Variants in SRGAP2 observed in about 807,000 individuals in gnomAD.
SRGAP2 encodes the protein SLIT-ROBO Rho GTPase activating protein 2.
Under a neutral mutation model 57.2 loss-of-function variants are expected in SRGAP2, and 15 were observed. That is an observed-to-expected ratio of 0.26 (90% confidence interval 0.18 to 0.40). The LOEUF (loss-of-function observed/expected upper bound fraction) is 0.40. Ranked by LOEUF, SRGAP2 falls within the 10% of genes least tolerant of loss-of-function variation. SRGAP2 has a pLI of 1.00. For missense variants in SRGAP2, 520 were observed against 669.6 expected, an observed-to-expected ratio of 0.78 and a Z score of 2.47; for synonymous variants, 249 against 248.0, an observed-to-expected ratio of 1.00 and a Z score of -0.04.
chr1:206,284,171 C>A (rs1398954955), intron 2 of SRGAP2, among the ~76,000 whole-genome samples: 3 of 147,022 alleles, frequency 2.0e-5, no homozygotes, highest in Non-Finnish European at 4.5e-5. Flanking sequence ...AGAGTTTCAA[C>A]TGCATATCTA....
chr1:206,358,438 A>C (rs1676628868), intron 4 of SRGAP2, among the ~76,000 whole-genome samples: 1 of 149,948 alleles, frequency 6.7e-6, no homozygotes. Flanking sequence ...AAGGAAATAC[A>C]GAGAACAAAC....
chr1:206,440,552 T>G (rs958967790), intron 17 of SRGAP2, among the ~76,000 whole-genome samples: 2 of 151,748 alleles, frequency 1.3e-5, no homozygotes, highest in African/African-American at 2.4e-5. Context: ...TAGAAGATTT[T>G]CTTTTTTTTT....
chr1:206,414,273 G>C (rs1216179427), intron 10 of SRGAP2, among the ~76,000 whole-genome samples: 25 of 152,056 alleles, frequency 1.6e-4, no homozygotes, highest in African/African-American at 6.0e-4. Context: ...CTGTCCTCAA[G>C]TGATCCATCT....
At chr1:206,253,833 T>G in intron 2 of SRGAP2, among the ~76,000 whole-genome samples, 1 of 151,244 alleles carries the variant, frequency 6.6e-6, no homozygotes, top group Non-Finnish European at 1.5e-5. Context: ...TTTTAAATTA[T>G]GCAGTCTGTG....
intron 3 of SRGAP2, among the ~76,000 whole-genome samples, chr1:206,330,984 TC>T (rs1451770651): frequency 2.5e-5 from 3 of 120,030 alleles, no homozygotes; most frequent in Non-Finnish European, 5.2e-5. Context: ...TTTGAATGCG[TC>T]CCAGAGATTC....
intron 2 of SRGAP2, among the ~76,000 whole-genome samples, chr1:206,241,965 C>T (rs1344230971): frequency 1.5e-5 from 2 of 129,696 alleles, no homozygotes; most frequent in African/African-American, 6.3e-5. Flanking sequence ...TTATCTCCTT[C>T]AACTCTGACC....
At chr1:206,286,612 A>G (rs1671038624) in intron 2 of SRGAP2, among the ~76,000 whole-genome samples, 2 of 151,984 alleles carry the variant, frequency 1.3e-5, no homozygotes, top group African/African-American at 4.8e-5. Context: ...ACCTAAATAG[A>G]TTTACAAGTG....
At chr1:206,227,423 A>C (rs1391740693) in intron 2 of SRGAP2, among the ~76,000 whole-genome samples, 1 of 152,024 alleles carries the variant, frequency 6.6e-6, no homozygotes, top group Non-Finnish European at 1.5e-5. Flanking sequence ...ATATAAGGGA[A>C]AGACCTATTT....
At chr1:206,369,645 T>TTTTGACACTGTTA (rs1390929015) in intron 4 of SRGAP2, among the ~76,000 whole-genome samples, 1 of 152,042 alleles carries the variant, frequency 6.6e-6, no homozygotes, top group African/African-American at 2.4e-5. Flanking sequence ...ACAAGCACAT[T>TTTTGACACTGTTA]TTTGACACTG....
intron 2 of SRGAP2, among the ~76,000 whole-genome samples, chr1:206,209,776 C>T (rs539718574): frequency 1.2e-4 from 18 of 151,062 alleles, no homozygotes; most frequent in Non-Finnish European, 2.4e-4. Flanking sequence ...TCCCTGATAA[C>T]TAATGGTGTG....
At chr1:206,341,044 A>G (rs560992268) in intron 3 of SRGAP2, among the ~76,000 whole-genome samples, 80 of 152,356 alleles carry the variant, frequency 5.3e-4, no homozygotes, top group African/African-American at 1.9e-3. Flanking sequence ...GGACTCTAAT[A>G]TTAATTGGTT....
At position 206,454,353 on chromosome 1, in the gene SRGAP2, G is replaced by A; in HGVS notation, c.2361-525G>A. The A allele has an allele frequency of 1.6e-6, 1 of 619,418 alleles. No homozygotes were observed. Among genetic ancestry groups the A allele is most frequent in the Non-Finnish European group, 2.9e-6 (1 of 346,120 alleles). 38.4% of individuals were successfully genotyped at this position (619,418 alleles called of 1,614,324 possible). A position where few individuals can be genotyped will look rare whatever the true frequency, so the allele number is the denominator to read the frequency against. ...CTTTCTTTGTCATCAGTAGCCAGAGGGGCCAGGAGAGCAGTGGAGAGACCT... is the reference window on the plus strand; with the variant it reads ...CTTTCTTTGTCATCAGTAGCCAGAGAGGCCAGGAGAGCAGTGGAGAGACCT... On this transcript the variant is annotated intron_variant, in intron 20 of 22. Coordinates refer to ENST00000573034, the MANE Select transcript of SRGAP2 (RefSeq NM_015326.5). The surrounding 1 kb of genome is among the most constrained non-coding windows in gnomAD (Gnocchi z 4.3).
chr1:206,232,213 C>T (rs1667687700), intron 2 of SRGAP2, among the ~76,000 whole-genome samples: 1 of 152,138 alleles, frequency 6.6e-6, no homozygotes, highest in Non-Finnish European at 1.5e-5. Flanking sequence ...GTTAGGTTTA[C>T]ATAGTGGAGA....
At chr1:206,366,655 T>A (rs1654042711) in intron 4 of SRGAP2, among the ~76,000 whole-genome samples, 1 of 152,046 alleles carries the variant, frequency 6.6e-6, no homozygotes, top group Non-Finnish European at 1.5e-5. Flanking sequence ...CAAGAAGCGA[T>A]TTCCTTTCCC....
At chr1:206,363,481 C>T (rs75787267) in intron 4 of SRGAP2, among the ~76,000 whole-genome samples, 3,327 of 152,194 alleles carry the variant, frequency 0.022, 74 homozygotes, top group African/African-American at 0.047. Context: ...GAAATTAACA[C>T]GGAGGTAATA....
At chr1:206,208,609 T>C (rs1180798128) in intron 2 of SRGAP2, among the ~76,000 whole-genome samples, 3 of 152,244 alleles carry the variant, frequency 2.0e-5, no homozygotes, top group African/African-American at 7.2e-5. Context: ...TTCTGGAAGC[T>C]GGGCTCTCTA....
rs1268199492 is a variant in SRGAP2, at chr1:206,372,901, T to C, written c.424-11113T>C. 1.5e-3 allele frequency among the ~76,000 whole-genome samples: 6 copies of C among 4,000 alleles called. No individual in the cohort carries two copies. The Admixed American group carries it at 0.015, about 10-fold the overall frequency. 2.6% of individuals were successfully genotyped at this position (4,000 alleles called of 152,430 possible). ...ATTCCTTTCTTTCTTTCTCTCTCCTTTCTTTCTTTCTTTCTTTCTTTCTTT... is the reference window on the plus strand; with the variant it reads ...ATTCCTTTCTTTCTTTCTCTCTCCTCTCTTTCTTTCTTTCTTTCTTTCTTT... On this transcript the variant is annotated intron_variant, in intron 4 of 22. Transcript: ENST00000573034.
Position 206,415,881 on chromosome 1 carries a change from T to C in SRGAP2, c.1357-8T>C. The C allele has an allele frequency of 1.3e-6, 1 of 778,150 alleles. No individual in the cohort carries two copies. The highest frequency in any genetic ancestry group is 2.4e-6 in the Non-Finnish European group (1 of 417,032). The allele number at this position is 778,150 out of a possible 1,614,324, so 48.2% of individuals were successfully genotyped here. On this transcript the variant is annotated splice_region_variant and splice_polypyrimidine_tract_variant and intron_variant, in intron 10 of 22. Transcript: ENST00000573034. ...CTGATTGCTCTTTTTCCTCCTCCTCTCTTACAGAAAATGAAAGAGTACCTG... is the reference window on the plus strand; with the variant it reads ...CTGATTGCTCTTTTTCCTCCTCCTCCCTTACAGAAAATGAAAGAGTACCTG...
At position 206,431,344 on chromosome 1, in the gene SRGAP2, C is replaced by CT. The variant is rs1661263626; in HGVS notation, c.1555+1125dup. Among the ~76,000 whole-genome samples the CT allele has an allele frequency of 2.0e-5, 3 of 152,128 alleles. No individual in the cohort carries two copies. The South Asian group carries it at 6.2e-4, about 32-fold the overall frequency. ...AACAGGAATAATATACTCTTCCTGT[C>CT]TTTAAGTGGTTTTGTGATGCAGTTG... On this transcript the variant is annotated intron_variant, in intron 14 of 22. Transcript: ENST00000573034.
Sources: allele counts gnomAD v4.1 joint callset (sites outside exome capture counted in the v4.1 genomes callset), GRCh38; gene constraint gnomAD v4.1.1; non-coding constraint Gnocchi (gnomAD v3.1); transcripts MANE v1.5; gene names NCBI Gene and HGNC (gene_info 2026-07-23, HGNC 2026-07-21).